The following GSE1 variants were observed in gnomAD, a reference collection of about 807,000 sequenced individuals.
GSE1 encodes the protein genetic suppressor element 1.
In GSE1, 32 loss-of-function variants were observed where a neutral mutation model predicts 112.6. The observed-to-expected ratio is 0.28, with a 90% confidence interval of 0.21 to 0.38. GSE1 has a LOEUF of 0.38. GSE1 is among the 10% of genes least tolerant of loss of function. GSE1 has a pLI of 1.00. For synonymous variants in GSE1, 1,115 were observed against 735.6 expected (o/e 1.52, Z -8.35); for missense variants, 2,348 against 1,699.2 (o/e 1.38, Z -6.71).
chr16:85,390,688 C>A (rs1323362989), intron 2 of GSE1, among the ~76,000 whole-genome samples: 2 of 94,192 alleles, frequency 2.1e-5, no homozygotes, highest in Non-Finnish European at 5.2e-5. Context: ...TTGTCCCCCC[C>A]ACCGCCTTGT....
Position 85,256,177 on chromosome 16 carries a change from T to C in GSE1, c.2283+84370T>C, listed in dbSNP as rs576993291. ...CGCCAACAGGGTGAGTTGGAGGCTCTTCCCTCGGCAGGCAGACTCGGACAG... is the reference window on the plus strand; with the variant it reads ...CGCCAACAGGGTGAGTTGGAGGCTCCTCCCTCGGCAGGCAGACTCGGACAG... On this transcript the variant is annotated intron_variant, in intron 1 of 2. Coordinates refer to the GSE1 transcript ENST00000637419. Among the ~76,000 whole-genome samples, 93 of 152,236 alleles carry C rather than the reference T, an allele frequency of 6.1e-4. 2 individuals are homozygous for C. The South Asian group carries it at 0.019, about 32-fold the overall frequency.
intron 1 of GSE1, among the ~76,000 whole-genome samples, chr16:85,332,560 G>A (rs970108657): frequency 6.6e-6 from 1 of 152,088 alleles, no homozygotes; most frequent in African/African-American, 2.4e-5. Context: ...CCCTCCCCGT[G>A]TGCCTCCCCC....
chr16:85,633,999 C>G lies in GSE1; in HGVS notation c.93C>G (p.Pro31=), dbSNP rs765186908. The change falls in exon 2 of 16, where the codon CCC becomes CCG. Residue 31 remains proline (P), a synonymous_variant. Coordinates refer to ENST00000253458, the MANE Select transcript of GSE1 (RefSeq NM_014615.5). ...CCGCCACCGTCAACCCCCTCACCCC[C>G]TCGCCGCTCAATGGCGCCCTGGTGC... The part of the protein sequence containing the change: ...RTTATVNPLT[P]SPLNGALVPS... 2 of 1,612,988 alleles carry G rather than the reference C, an allele frequency of 1.2e-6. No homozygotes were observed. The highest frequency in any genetic ancestry group is 4.5e-5 in the East Asian group (2 of 44,872).
intron 1 of GSE1, among the ~76,000 whole-genome samples, chr16:85,251,948 A>G (rs1338672487): frequency 6.6e-6 from 1 of 152,228 alleles, no homozygotes; most frequent in Non-Finnish European, 1.5e-5. Context: ...CCAGGCTGCC[A>G]TGAACAGGTA....
chr16:85,414,836 A>G (rs2048667640), intron 2 of GSE1, among the ~76,000 whole-genome samples: 2 of 152,116 alleles, frequency 1.3e-5, no homozygotes, highest in African/African-American at 4.8e-5. Context: ...GGGTTTCACC[A>G]TGTTGGCAAG....
At position 85,654,416 on chromosome 16, in the gene GSE1, T is replaced by C. The variant is rs1218186752; in HGVS notation, c.565T>C (p.Ser189Pro). 1 of 1,586,580 alleles carries C rather than the reference T, an allele frequency of 6.3e-7. No individual in the cohort carries two copies. Among genetic ancestry groups the C allele is most frequent in the Non-Finnish European group, 8.6e-7 (1 of 1,166,330 alleles). Reference sequence around the variant, plus strand: ...CTACCCCTTCGGCCTCTCCCCCAGCTCAGTTGTGCAGGATTCCCGCTTCCC... The same window carrying C: ...CTACCCCTTCGGCCTCTCCCCCAGCCCAGTTGTGCAGGATTCCCGCTTCCC... ...TPYPFGLSPS[S>P]VVQDSRFPPL... Residue 189 changes from serine to proline, a missense_variant, in exon 4 of 16, where the codon TCA becomes CCA. Physicochemically the swap from Ser to Pro is moderately conservative, Grantham distance 74. Coordinates refer to ENST00000253458, the MANE Select transcript of GSE1 (RefSeq NM_014615.5).
At chr16:85,261,551 G>A (rs994071451) in intron 1 of GSE1, among the ~76,000 whole-genome samples, 9 of 152,204 alleles carry the variant, frequency 5.9e-5, no homozygotes, top group Admixed American at 3.3e-4. Flanking sequence ...CGGGGGCCTC[G>A]TGGGAGAGGC....
chr16:85,503,283 G>T (rs73265187), intron 2 of GSE1, among the ~76,000 whole-genome samples: 5,994 of 152,306 alleles, frequency 0.039, 403 homozygotes, highest in African/African-American at 0.14. Context: ...AGGGTCAGCT[G>T]CCAAAATGAC....
intron 1 of GSE1, among the ~76,000 whole-genome samples, chr16:85,233,507 C>T (rs1022366640): frequency 3.9e-5 from 6 of 152,162 alleles, no homozygotes; most frequent in Admixed American, 2.6e-4. Context: ...CACACATGTG[C>T]CTGTGTGTTC....
intron 1 of GSE1, among the ~76,000 whole-genome samples, chr16:85,623,085 G>A (rs1375202248): frequency 6.6e-6 from 1 of 152,128 alleles, no homozygotes; most frequent in Non-Finnish European, 1.5e-5. Context: ...GAGAAACTGG[G>A]CACCTTCTCG....
intron 2 of GSE1, among the ~76,000 whole-genome samples, chr16:85,457,935 G>C (rs1478304275): frequency 6.6e-6 from 1 of 152,220 alleles, no homozygotes; most frequent in Admixed American, 6.5e-5. Context: ...AGCATTGGTG[G>C]TGTGTAATTT....
intron 2 of GSE1, among the ~76,000 whole-genome samples, chr16:85,496,902 TG>T (rs201081489): frequency 8.1e-5 from 12 of 149,036 alleles, no homozygotes; most frequent in African/African-American, 2.5e-4. Flanking sequence ...GGGTCTTTGT[TG>T]TTTTTTTTTT....
At chr16:85,464,340 C>T (rs995316636) in intron 2 of GSE1, among the ~76,000 whole-genome samples, 2 of 142,782 alleles carry the variant, frequency 1.4e-5, no homozygotes, top group Admixed American at 7.1e-5. Context: ...CCTGGGGGGC[C>T]GGGGTGGGGG....
At chr16:85,665,353 G>A (rs570740397) in intron 12 of GSE1, among the ~76,000 whole-genome samples, 1 of 152,372 alleles carries the variant, frequency 6.6e-6, no homozygotes, top group Non-Finnish European at 1.5e-5. Flanking sequence ...TCTGGCTTCT[G>A]TGGAGCTCTA....
At chr16:85,627,190 G>C (rs1598436002) in intron 1 of GSE1, among the ~76,000 whole-genome samples, 1 of 148,336 alleles carries the variant, frequency 6.7e-6, no homozygotes, top group African/African-American at 2.5e-5. Flanking sequence ...GCCTCACCCG[G>C]GGGCGGTGGT....
At chr16:85,220,377 C>T (rs2075370412) in intron 1 of GSE1, among the ~76,000 whole-genome samples, 1 of 152,160 alleles carries the variant, frequency 6.6e-6, no homozygotes, top group Non-Finnish European at 1.5e-5. Context: ...TCCAAGCCGG[C>T]GAGCGGGCGG....
intron 1 of GSE1, among the ~76,000 whole-genome samples, chr16:85,179,939 A>G (rs1311047885): frequency 6.6e-6 from 1 of 152,292 alleles, no homozygotes; most frequent in East Asian, 1.9e-4. Context: ...CAGATGGTAG[A>G]TGATAGACTA....
intron 1 of GSE1, among the ~76,000 whole-genome samples, chr16:85,177,739 T>G (rs1222453322): frequency 6.6e-6 from 1 of 152,134 alleles, no homozygotes; most frequent in African/African-American, 2.4e-5. Context: ...GGGGCCTGGT[T>G]TTAAATTTAG....
chr16:85,383,321 T>G (rs1185676693), intron 2 of GSE1, among the ~76,000 whole-genome samples: 1 of 149,476 alleles, frequency 6.7e-6, no homozygotes, highest in Non-Finnish European at 1.5e-5. Context: ...TACACAGTCC[T>G]CAGCACACAC....
Sources: gnomAD v4.1 joint callset for allele counts (sites outside exome capture counted in the v4.1 genomes callset) on GRCh38, gnomAD v4.1.1 for gene constraint, MANE v1.5 for transcripts, NCBI Gene and HGNC (gene_info 2026-07-23, HGNC 2026-07-21) for gene names.